Variants in USP15 observed in about 807,000 individuals in gnomAD.
USP15 encodes the protein ubiquitin specific peptidase 15.
A neutral mutation model predicts 127.1 loss-of-function variants in USP15; 18 were observed. The ratio of observed to expected loss-of-function variants is 0.14; its 90% CI spans 0.10 to 0.21. The LOEUF (loss-of-function observed/expected upper bound fraction) is 0.21. Among genes scored for constraint, USP15 ranks in the 10% least tolerant of loss-of-function variants. The pLI is 1.00. For missense variants in USP15, 805 were observed against 1,159.9 expected, an observed-to-expected ratio of 0.69 and a Z score of 4.44; for synonymous variants, 364 against 393.7, an observed-to-expected ratio of 0.92 and a Z score of 0.89.
At chr12:62,341,482 A>G (rs764534317) in intron 6 of USP15, among the ~76,000 whole-genome samples, 9 of 152,134 alleles carry the variant, frequency 5.9e-5, no homozygotes, top group Non-Finnish European at 1.3e-4. Flanking sequence ...GTCATTGGTC[A>G]TTATATTTTG....
intron 4 of USP15, among the ~76,000 whole-genome samples, chr12:62,319,089 G>T (rs760257977): frequency 2.0e-5 from 3 of 152,150 alleles, no homozygotes; most frequent in Non-Finnish European, 2.9e-5. Flanking sequence ...TCCATAGGCC[G>T]TACAGGAAGC....
At chr12:62,310,711 A>G (rs2137234071) in intron 3 of USP15, among the ~76,000 whole-genome samples, 1 of 151,972 alleles carries the variant, frequency 6.6e-6, no homozygotes, top group Non-Finnish European at 1.5e-5. Context: ...TATCCCTTTC[A>G]TATACTGACT....
intron 4 of USP15, among the ~76,000 whole-genome samples, chr12:62,315,292 A>G (rs1387750327): frequency 2.0e-5 from 3 of 152,132 alleles, no homozygotes; most frequent in African/African-American, 2.4e-5. Context: ...CTTTGGTACT[A>G]TAAATACAGT....
chr12:62,326,497 G>C (rs1398024996), intron 6 of USP15, among the ~76,000 whole-genome samples: 1 of 152,254 alleles, frequency 6.6e-6, no homozygotes, highest in South Asian at 2.1e-4. Context: ...GCTCTAAGAA[G>C]TAATATGGTA....
At chr12:62,356,447 C>G (rs1057145705) in intron 8 of USP15, among the ~76,000 whole-genome samples, 27 of 151,918 alleles carry the variant, frequency 1.8e-4, no homozygotes, top group African/African-American at 6.3e-4. Flanking sequence ...ATTCATACAG[C>G]TGTTTCCTAA....
chr12:62,321,713 T>A, intron 5 of USP15, 104 bp downstream of exon 5: 1 of 942,294 alleles, frequency 1.1e-6, no homozygotes, highest in Non-Finnish European at 1.4e-6. Context: ...TGTTTCTGGC[T>A]TCCTCTTTCT....
At chr12:62,379,416 T>C (rs996186270) in intron 8 of USP15, among the ~76,000 whole-genome samples, 1 of 152,074 alleles carries the variant, frequency 6.6e-6, no homozygotes, top group Non-Finnish European at 1.5e-5. Flanking sequence ...CGTTAAAGGA[T>C]TTATAGCAAG....
At chr12:62,292,415 G>T (rs2063998804) in intron 1 of USP15, among the ~76,000 whole-genome samples, 1 of 152,214 alleles carries the variant, frequency 6.6e-6, no homozygotes, top group African/African-American at 2.4e-5. Flanking sequence ...TCTAGGCAGA[G>T]AGTGGGACAG....
intron 1 of USP15, among the ~76,000 whole-genome samples, chr12:62,269,210 T>A (rs1333175140): frequency 2.0e-5 from 3 of 152,062 alleles, no homozygotes; most frequent in Non-Finnish European, 4.4e-5. Flanking sequence ...CAAATCTAGA[T>A]GGGATTGCCT....
chr12:62,346,992 A>T (rs1251241877), intron 6 of USP15, among the ~76,000 whole-genome samples: 8 of 152,000 alleles, frequency 5.3e-5, no homozygotes, highest in Non-Finnish European at 1.2e-4. Context: ...ACCACCTACA[A>T]AATTTTATAT....
At chr12:62,316,446 A>T (rs1304490729) in intron 4 of USP15, among the ~76,000 whole-genome samples, 1 of 152,088 alleles carries the variant, frequency 6.6e-6, no homozygotes, top group African/African-American at 2.4e-5. Context: ...AGATATTTCT[A>T]CATATTAAAA....
rs765520410 is a variant in USP15, at chr12:62,314,834, A to G, written c.393A>G (p.Val131=). The G allele has an allele frequency of 1.3e-6, 2 of 1,596,118 alleles. No individual in the cohort carries two copies. The highest frequency in any genetic ancestry group is 1.1e-5 in the South Asian group (1 of 88,448). Reference sequence around the variant, plus strand: ...TTGTAAAGCACTGCAAAGTAGAAGTATATCTCACAGAATTGAAGCTATGTG... The same window carrying G: ...TTGTAAAGCACTGCAAAGTAGAAGTGTATCTCACAGAATTGAAGCTATGTG... ...GMFVKHCKVE[V]YLTELKLCEN... is the part of the protein sequence containing the mutation. The change falls in exon 4 of 22, where the codon GTA becomes GTG. Residue 131 remains valine, a synonymous_variant. Coordinates refer to ENST00000280377, the MANE Select transcript of USP15 (RefSeq NM_001252078.2).
At chr12:62,263,462 A>T (rs551061502) in intron 1 of USP15, among the ~76,000 whole-genome samples, 4 of 152,216 alleles carry the variant, frequency 2.6e-5, no homozygotes, top group African/African-American at 9.6e-5. Flanking sequence ...CTAGGCAAGT[A>T]TAAAGATTTA....
At chr12:62,309,839 T>C (rs1425940069) in intron 3 of USP15, among the ~76,000 whole-genome samples, 1 of 151,470 alleles carries the variant, frequency 6.6e-6, no homozygotes, top group Non-Finnish European at 1.5e-5. Flanking sequence ...ATGTATGATC[T>C]TAAAAAAAAA....
chr12:62,310,126 C>T (rs56181846), intron 3 of USP15, among the ~76,000 whole-genome samples: 11,829 of 151,782 alleles, frequency 0.078, 587 homozygotes, highest in Middle Eastern at 0.16. Flanking sequence ...GATATAAGGG[C>T]AGTATAGGGA....
chr12:62,369,855 C>G lies in USP15; in HGVS notation c.916-11635C>G, dbSNP rs181858534. 1.8e-3 allele frequency among the ~76,000 whole-genome samples: 275 copies of G among 152,286 alleles called. 1 individual carries two copies. The highest frequency in any genetic ancestry group is 6.4e-3 in the African/African-American group (265 of 41,554). ...AACATACATTTAGCTTCCTTTTATA[C>G]TTACAGTAGTATCATTGTATAATAA... On this transcript the variant is annotated intron_variant, in intron 8 of 21. Transcript: ENST00000280377.
chr12:62,276,136 T>A (rs1040981364), intron 1 of USP15, among the ~76,000 whole-genome samples: 2 of 152,178 alleles, frequency 1.3e-5, no homozygotes, highest in Non-Finnish European at 2.9e-5. Flanking sequence ...AAATTCCTTG[T>A]AATCCTCTGA....
intron 1 of USP15, chr12:62,274,430 A>C (rs11174408): frequency 0.31 from 46,105 of 151,110 alleles, 7,288 homozygotes; most frequent in African/African-American, 0.37. Flanking sequence ...AAAAAAAAAA[A>C]ACGGTGCATT....
At chr12:62,335,824 C>T (rs1008688015) in intron 6 of USP15, 1 of 985,280 alleles carries the variant, frequency 1.0e-6, no homozygotes, top group Non-Finnish European at 1.2e-6. Flanking sequence ...GTTTATTTGA[C>T]CTGTCTTTAG....
Sources: allele counts gnomAD v4.1 joint callset (sites outside exome capture counted in the v4.1 genomes callset), GRCh38; gene constraint gnomAD v4.1.1; transcripts MANE v1.5; gene names NCBI Gene and HGNC (gene_info 2026-07-23, HGNC 2026-07-21).